LPCAT4: variants seen among roughly 807,000 people sequenced by gnomAD.
LPCAT4 encodes lysophospholipid acyltransferase LPCAT4.
LPCAT4 carries 30 observed loss-of-function variants against 66.5 expected under a neutral mutation model. The observed-to-expected ratio is 0.45, with a 90% CI of 0.34 to 0.61. The LOEUF (loss-of-function observed/expected upper bound fraction) is 0.61. Among genes scored for constraint, LPCAT4 ranks in the 20% least tolerant of loss-of-function variants. LPCAT4 has a pLI of 0.01. For synonymous variants in LPCAT4, 253 were observed against 262.1 expected (o/e 0.97, Z 0.34); for missense variants, 557 against 656.7 (o/e 0.85, Z 1.66).
Position 34,361,459 on chromosome 15 carries a change from T to C in LPCAT4, c.1084A>G (p.Arg362Gly), listed in dbSNP as rs1187144965. 3 of 1,614,194 alleles carry C rather than the reference T, an allele frequency of 1.9e-6. No homozygotes were observed. The highest frequency in any genetic ancestry group is 1.6e-4 in the Middle Eastern group (1 of 6,062). The change falls in exon 11 of 14, where the codon AGG (arginine) becomes GGG (glycine). Residue 362 changes from arginine (R) to glycine (G), a missense_variant. By Grantham distance (125) the Arg-to-Gly change is moderately radical. Around this residue, in one of 4 missense-constraint regions of LPCAT4, gnomAD observed 392 missense variants for 473.9 expected, o/e 0.83. Transcript: ENST00000314891. ...SRMISQEEFA[R>G]QLQLSDPQTV... ...TGAGGATCAGAGAGCTGTAGCTGCC[T>C]GGCAAACTCTTCCTGGCTGATCATT...
chr15:34,364,252 C>T lies in LPCAT4; in HGVS notation c.533G>A (p.Arg178Gln), dbSNP rs533319036. 4 of 1,614,044 alleles carry T rather than the reference C, an allele frequency of 2.5e-6. No homozygotes were observed. Among genetic ancestry groups the T allele is most frequent in the Admixed American group, 1.7e-5 (1 of 60,026 alleles). ...ILVSRHDPAS[R>Q]RRVVEEVRRR... ...TCGGACCTCCTCCACCACTCTGCGTCGAGAAGCCGGGTCATGCCGGGATAC... is the reference window on the plus strand; with the variant it reads ...TCGGACCTCCTCCACCACTCTGCGTTGAGAAGCCGGGTCATGCCGGGATAC... The change falls in exon 4 of 14, where the codon CGA (arginine) becomes CAA (glutamine). Residue 178 changes from arginine (R) to glutamine (Q), a missense_variant. Arg to Gln is a conservative substitution (Grantham distance 43). This residue lies in a region of LPCAT4 where 392 missense variants were observed against 473.9 expected (regional missense o/e 0.83). Transcript: ENST00000314891.
In LPCAT4 at chr15:34,364,083, A is replaced by G. The variant is rs1263425083; in HGVS notation, c.592-10T>C. 6.2e-7 allele frequency: 1 copy of G among 1,612,142 alleles called. No individual in the cohort carries two copies. Reference sequence around the variant, plus strand: ...CAGGAAAGAATAGCACCTGGGGTAAAAAAGAGCAGAATGAGGTGAAGAAGA... The same window carrying G: ...CAGGAAAGAATAGCACCTGGGGTAAGAAAGAGCAGAATGAGGTGAAGAAGA... On this transcript the variant is annotated splice_polypyrimidine_tract_variant and intron_variant, in intron 4 of 13. Coordinates refer to ENST00000314891, the MANE Select transcript of LPCAT4 (RefSeq NM_153613.3).
At position 34,363,678 on chromosome 15, in the gene LPCAT4, G is replaced by T. The variant is rs564033666; in HGVS notation, c.694C>A (p.Arg232Ser). 5.6e-5 allele frequency: 91 copies of T among 1,613,992 alleles called. 1 individual carries two copies. In the Middle Eastern group the frequency reaches 6.6e-4, roughly 12 times the overall value. The change falls in exon 6 of 14, where the codon CGC (arginine) becomes AGC (serine). Residue 232 changes from arginine (R) to serine (S), a missense_variant. Transcript: ENST00000314891. This position sits in a 1 kb window ranked among gnomAD's most constrained non-coding sequence, Gnocchi z 4.3. ...AGACTCACCAGACTGTTGGGGTAGC[G>T]GATGAGGACAGGCTGCACAGGCACC... ...AGVPVQPVLI[R>S]YPNSLDTTSW...
At chr15:34,364,876 T>C in intron 3 of LPCAT4, 132 bp downstream of exon 3, 1 of 692,932 alleles carries the variant, frequency 1.4e-6, no homozygotes, top group South Asian at 1.9e-5. Context: ...TGACTAATGG[T>C]GTTAATTTAT....
intron 1 of LPCAT4, 76 bp from the exon 2 acceptor site, chr15:34,365,777 T>C (rs933132990): frequency 5.9e-6 from 9 of 1,534,530 alleles, no homozygotes; most frequent in African/African-American, 1.4e-5. Flanking sequence ...CCACAAAGCA[T>C]AGACCCAGGA....
intron 8 of LPCAT4, 42 bp downstream of exon 8, chr15:34,362,740 G>A (rs778958073): frequency 6.2e-7 from 1 of 1,612,534 alleles, no homozygotes; most frequent in Non-Finnish European, 8.5e-7. Flanking sequence ...GGTTTCAGGA[G>A]TCTGAGATGT....
chr15:34,362,947 G>GTCCCTATTATCAATGGGCAGAA, intron 7 of LPCAT4, 111 bp from the exon 8 acceptor site: 1 of 1,060,112 alleles, frequency 9.4e-7, no homozygotes, highest in Non-Finnish European at 1.4e-6. Flanking sequence ...GAAAAGTTCT[G>GTCCCTATTATCAATGGGCAGAA]CCCATTGATA....
rs1566893700 is a variant in LPCAT4, at chr15:34,361,454, C to T, written c.1089G>A (p.Gln363=). 6.2e-7 allele frequency: 1 copy of T among 1,614,184 alleles called. No individual in the cohort carries two copies. Among genetic ancestry groups the T allele is most frequent in the East Asian group, 2.2e-5 (1 of 44,884 alleles). ...CCGTCTGAGGATCAGAGAGCTGTAGCTGCCTGGCAAACTCTTCCTGGCTGA... is the reference window on the plus strand; with the variant it reads ...CCGTCTGAGGATCAGAGAGCTGTAGTTGCCTGGCAAACTCTTCCTGGCTGA... The part of the protein sequence containing the change: ...RMISQEEFAR[Q]LQLSDPQTVA... Residue 363 remains glutamine (Q), a synonymous_variant, in exon 11 of 14, where the codon CAG becomes CAA. Transcript: ENST00000314891.
At position 34,363,680 on chromosome 15, in the gene LPCAT4, A is replaced by G; in HGVS notation, c.692T>C (p.Ile231Thr). The G allele has an allele frequency of 6.2e-7, 1 of 1,614,044 alleles. No individual in the cohort carries two copies. Among genetic ancestry groups the G allele is most frequent in the Non-Finnish European group, 8.5e-7 (1 of 1,180,018 alleles). Residue 231 changes from isoleucine (I) to threonine (T), a missense_variant, in exon 6 of 14, where the codon ATC becomes ACC. Transcript: ENST00000314891. This position sits in a 1 kb window ranked among gnomAD's most constrained non-coding sequence, Gnocchi z 4.3. ...ACTCACCAGACTGTTGGGGTAGCGG[A>G]TGAGGACAGGCTGCACAGGCACCCC... The part of the protein sequence containing the change: ...IAGVPVQPVL[I>T]RYPNSLDTTS...
In LPCAT4 at chr15:34,361,516, C is replaced by T; in HGVS notation, c.1027G>A (p.Val343Met). ...CGGCCTGGCTCTGCCCCAGCGTCCACATAGCCAGCGGACAGCCTACGATGG... is the reference window on the plus strand; with the variant it reads ...CGGCCTGGCTCTGCCCCAGCGTCCATATAGCCAGCGGACAGCCTACGATGG... ...LRKAGLSAGY[V>M]DAGAEPGRSR... is the part of the protein sequence containing the mutation. Residue 343 changes from valine (V) to methionine (M), a missense_variant, in exon 11 of 14, where the codon GTG (valine) becomes ATG (methionine). Physicochemically the swap from Val to Met is conservative, Grantham distance 21 (BLOSUM62 1). Transcript: ENST00000314891. 2.5e-6 allele frequency: 4 copies of T among 1,613,918 alleles called. No individual in the cohort carries two copies. The highest frequency in any genetic ancestry group is 3.4e-6 in the Non-Finnish European group (4 of 1,180,030).
chr15:34,365,666 T>C lies in LPCAT4; in HGVS notation c.150A>G (p.Arg50=), dbSNP rs768865582. Residue 50 remains arginine, a synonymous_variant, in exon 2 of 14, where the codon CGA becomes CGG. Coordinates refer to ENST00000314891, the MANE Select transcript of LPCAT4 (RefSeq NM_153613.3). The part of the protein sequence containing the change: ...CLLGALLAPI[R]VLLAFIVLFL... ...AGAGGACGATAAAGGCCAGAAGCAC[T>C]CGGATGGGGGCCAGCAATGCCCCCA... is the stretch of plus-strand genomic sequence containing the variant. The C allele has an allele frequency of 6.2e-7, 1 of 1,613,944 alleles. No individual in the cohort carries two copies. Among genetic ancestry groups the C allele is most frequent in the South Asian group, 1.1e-5 (1 of 91,072 alleles).
rs1345430278 is a variant in LPCAT4, at chr15:34,367,111, G to A, written c.-11C>T. On this transcript the variant is annotated 5_prime_UTR_variant, in exon 1 of 14. Coordinates refer to ENST00000314891, the MANE Select transcript of LPCAT4 (RefSeq NM_153613.3). ...ACTTCCCTGGCTCATGGCGGGAGAAGGTGGGAGGGAGGGCACCCCGGCCCT... is the reference window on the plus strand; with the variant it reads ...ACTTCCCTGGCTCATGGCGGGAGAAAGTGGGAGGGAGGGCACCCCGGCCCT... The A allele has an allele frequency of 1.3e-6, 2 of 1,534,930 alleles. No individual in the cohort carries two copies.
In LPCAT4 at chr15:34,359,109, G is replaced by T; in HGVS notation, c.*18C>A. On this transcript the variant is annotated 3_prime_UTR_variant, in exon 14 of 14. Transcript: ENST00000314891. ...CCTAGCGCTGCCCTGAGGAGGAGGG[G>T]GTGAGAGGCTGAGGCACTCAGTCTC... The T allele has an allele frequency of 6.3e-7, 1 of 1,593,790 alleles. No homozygotes were observed. The highest frequency in any genetic ancestry group is 2.3e-5 in the East Asian group (1 of 44,260).
intron 4 of LPCAT4, 23 bp from the exon 5 acceptor site, chr15:34,364,096 G>T: frequency 6.2e-7 from 1 of 1,610,394 alleles, no homozygotes; most frequent in Non-Finnish European, 8.5e-7. Flanking sequence ...AGAGCAGAAT[G>T]AGGTGAAGAA....
At chr15:34,362,538 CA>C in intron 9 of LPCAT4, 34 bp downstream of exon 9, 2 of 1,522,938 alleles carry the variant, frequency 1.3e-6, no homozygotes, top group African/African-American at 1.4e-5. Context: ...TTGCCCTGTG[CA>C]ACTGCTCCAG....
intron 3 of LPCAT4, 45 bp from the exon 4 acceptor site, chr15:34,364,351 CAGG>C: frequency 1.6e-6 from 2 of 1,259,274 alleles, no homozygotes; most frequent in Non-Finnish European, 2.3e-6. Context: ...CTTTCCTACC[CAGG>C]GGCAGTAACA....
intron 11 of LPCAT4, 189 bp downstream of exon 11, chr15:34,361,211 T>C (rs1160370999): frequency 3.4e-6 from 5 of 1,468,364 alleles, no homozygotes; most frequent in Middle Eastern, 5.1e-4. Flanking sequence ...ATAACATTGC[T>C]CTTCAATGCA....
At position 34,359,203 on chromosome 15, in the gene LPCAT4, G is replaced by C. The variant is rs150097701; in HGVS notation, c.1499C>G (p.Pro500Arg). Residue 500 changes from proline (P) to arginine (R), a missense_variant, in exon 14 of 14, where the codon CCA becomes CGA. Pro to Arg is a moderately radical substitution (Grantham distance 103). Transcript: ENST00000314891. The stretch of plus-strand genomic sequence containing the variant: ...GGGGTTGCCTGGGGATGAGGCATTT[G>C]GTGTCTGGGAGGTGCCTCGAGAGGT... ...PHTSRGTSQT[P>R]NASSPGNPTA... 868 of 1,602,910 alleles carry C rather than the reference G, an allele frequency of 5.4e-4. 3 individuals carry two copies. Among genetic ancestry groups the C allele is most frequent in the South Asian group, 1.7e-3 (153 of 88,730 alleles).
chr15:34,362,937 G>T, intron 7 of LPCAT4, 101 bp from the exon 8 acceptor site: 1 of 1,172,624 alleles, frequency 8.5e-7, no homozygotes, highest in African/African-American at 1.5e-5. Flanking sequence ...TGGGGAGTGG[G>T]AAAAGTTCTG....
Sources: gnomAD v4.1 joint callset for allele counts on GRCh38, gnomAD v4.1.1 for gene constraint, gnomAD v4.1.1 regional missense constraint, Gnocchi (gnomAD v3.1) non-coding constraint, MANE v1.5 for transcripts, NCBI Gene and HGNC (gene_info 2026-07-23, HGNC 2026-07-21) for gene names.